The following COL22A1 variants were observed in gnomAD, a reference collection of about 807,000 sequenced individuals.
The protein encoded by COL22A1 is collagen type XXII alpha 1 chain.
COL22A1 carries 221 observed loss-of-function variants against 248.9 expected under a neutral mutation model. That is an observed-to-expected ratio of 0.89 (90% CI 0.80 to 0.99). The LOEUF (loss-of-function observed/expected upper bound fraction) is 0.99. COL22A1 is among the 50% of genes least tolerant of loss of function. The pLI is 0.00. For synonymous variants in COL22A1, 891 were observed against 793.4 expected, an observed-to-expected ratio of 1.12 and a Z score of -2.07; for missense variants, 2,240 against 2,179.0, an observed-to-expected ratio of 1.03 and a Z score of -0.56.
chr8:138,679,577 T>C, intron 40 of COL22A1, 40 bp downstream of exon 40: 1 of 1,578,548 alleles, frequency 6.3e-7, no homozygotes, highest in Non-Finnish European at 8.7e-7. Flanking sequence ...TGTCTTGTCC[T>C]TCTGTCTTTT....
chr8:138,780,790 G>A (rs138489381), intron 13 of COL22A1, 137 bp downstream of exon 13: 98 of 753,830 alleles, frequency 1.3e-4, no homozygotes, highest in East Asian at 3.6e-4. Context: ...TGGTATCTGC[G>A]AGGATCCTAA....
At chr8:138,700,814 C>T (rs1417330828) in intron 31 of COL22A1, among the ~76,000 whole-genome samples, 2 of 152,078 alleles carry the variant, frequency 1.3e-5, no homozygotes, top group Non-Finnish European at 2.9e-5. Flanking sequence ...GAAACCCAGT[C>T]TCTACTAAAA....
At position 138,755,733 on chromosome 8, in the gene COL22A1, C is replaced by G. The variant is rs1832942935; in HGVS notation, c.1947+52G>C. 4 of 1,584,236 alleles carry G rather than the reference C, an allele frequency of 2.5e-6. No individual in the cohort carries two copies. The African/African-American group carries it at 4.0e-5, about 16-fold the overall frequency. ...TCTTAGAGGTGAAGACTCATCCAAC[C>G]ACCCAATCCCACCAGCACCTGCATC... On this transcript the variant is annotated intron_variant, in intron 19 of 64. Transcript: ENST00000303045.
chr8:138,604,280 T>C (rs905061485), intron 59 of COL22A1, among the ~76,000 whole-genome samples: 2 of 152,134 alleles, frequency 1.3e-5, no homozygotes, highest in African/African-American at 4.8e-5. Context: ...CATATGCTTA[T>C]GCTCAGCAGA....
chr8:138,890,558 C>T (rs912248556), intron 1 of COL22A1, among the ~76,000 whole-genome samples: 2 of 152,140 alleles, frequency 1.3e-5, no homozygotes, highest in Admixed American at 1.3e-4. Flanking sequence ...AGCAATCCTT[C>T]TGCCTCAGCC....
chr8:138,676,574 C>A lies in COL22A1; in HGVS notation c.3134G>T (p.Gly1045Val). Residue 1045 changes from glycine (G) to valine (V), a missense_variant, in exon 41 of 65, where the codon GGG (glycine) becomes GTG (valine). Coordinates refer to ENST00000303045, the MANE Select transcript of COL22A1 (RefSeq NM_152888.3). ...SPGSRGDPGI[G>V]VAGPPGPSGP... is the part of the protein sequence containing the mutation. Reference sequence around the variant, plus strand: ...AAGACTTACAGGAGGGCCAGCAACCCCAATGCCTGGGTCACCACGGCTGCC... The same window carrying A: ...AAGACTTACAGGAGGGCCAGCAACCACAATGCCTGGGTCACCACGGCTGCC... 1 of 1,565,584 alleles carries A rather than the reference C, an allele frequency of 6.4e-7. No individual in the cohort carries two copies. Among genetic ancestry groups the A allele is most frequent in the East Asian group, 2.3e-5 (1 of 42,840 alleles).
At chr8:138,696,633 G>T (rs1240857278) in intron 32 of COL22A1, among the ~76,000 whole-genome samples, 1 of 152,212 alleles carries the variant, frequency 6.6e-6, no homozygotes, top group Non-Finnish European at 1.5e-5. Context: ...CACATGGCCT[G>T]CGGCTGTCTT....
At chr8:138,609,467 C>T (rs778133577) in intron 56 of COL22A1, among the ~76,000 whole-genome samples, 1 of 152,154 alleles carries the variant, frequency 6.6e-6, no homozygotes, top group Non-Finnish European at 1.5e-5. Context: ...CTCCCCATAT[C>T]CCAGAATCCC....
chr8:138,904,604 C>A (rs1814871839), intron 1 of COL22A1, among the ~76,000 whole-genome samples: 1 of 142,162 alleles, frequency 7.0e-6, no homozygotes, highest in African/African-American at 2.8e-5. Flanking sequence ...TGAATTCTTC[C>A]CAATTTTTTT....
chr8:138,610,932 G>GGTAT (rs1162041713), intron 56 of COL22A1, among the ~76,000 whole-genome samples: 1 of 152,142 alleles, frequency 6.6e-6, no homozygotes, highest in Non-Finnish European at 1.5e-5. Flanking sequence ...TGGGCATGGT[G>GGTAT]GTATGCACTT....
chr8:138,668,241 A>G (rs978924741), intron 41 of COL22A1, among the ~76,000 whole-genome samples: 1 of 152,186 alleles, frequency 6.6e-6, no homozygotes, highest in African/African-American at 2.4e-5. Flanking sequence ...TGTGTCTGGA[A>G]TTTGCTTCAA....
intron 3 of COL22A1, among the ~76,000 whole-genome samples, chr8:138,861,148 C>T (rs1352596619): frequency 6.6e-6 from 1 of 152,184 alleles, no homozygotes; most frequent in Non-Finnish European, 1.5e-5. Context: ...CAGCCCTGAC[C>T]CAGGAGGCTG....
At chr8:138,715,415 A>G (rs1424059101) in intron 30 of COL22A1, among the ~76,000 whole-genome samples, 2 of 151,778 alleles carry the variant, frequency 1.3e-5, no homozygotes, top group Non-Finnish European at 2.9e-5. Flanking sequence ...CTAAAAACAC[A>G]AAAATTAGCC....
chr8:138,602,019 A>T, intron 60 of COL22A1, 96 bp downstream of exon 60: 1 of 1,349,860 alleles, frequency 7.4e-7, no homozygotes, highest in South Asian at 1.2e-5. Context: ...GCGGGTGTTT[A>T]CTAACTGCCT....
chr8:138,907,774 A>T (rs776846613), intron 1 of COL22A1, among the ~76,000 whole-genome samples: 1 of 152,240 alleles, frequency 6.6e-6, no homozygotes, highest in African/African-American at 2.4e-5. Flanking sequence ...AGAAGGCAGA[A>T]GCACGCATGT....
chr8:138,666,578 G>A (rs1425095227), intron 41 of COL22A1, among the ~76,000 whole-genome samples: 2 of 152,200 alleles, frequency 1.3e-5, no homozygotes, highest in Non-Finnish European at 2.9e-5. Flanking sequence ...TTCTGTCAAG[G>A]TGTAGGTCAG....
At position 138,588,898 on chromosome 8, in the gene COL22A1, G is replaced by T. The variant is rs2131752199; in HGVS notation, c.*355C>A. 5.9e-6 allele frequency: 1 copy of T among 168,854 alleles called. No homozygotes were observed. Among genetic ancestry groups the T allele is most frequent in the Middle Eastern group, 2.5e-3 (1 of 404 alleles). 10.5% of individuals were successfully genotyped at this position (168,854 alleles called of 1,614,324 possible). ...AGCACCAAGAGTTTCCTTAAAATGG[G>T]CAGTTACGCGTCAGATGGGGGCTGT... On this transcript the variant is annotated 3_prime_UTR_variant, in exon 65 of 65. Transcript: ENST00000303045.
chr8:138,798,296 T>A (rs1259522556), intron 11 of COL22A1, among the ~76,000 whole-genome samples: 1 of 151,824 alleles, frequency 6.6e-6, no homozygotes, highest in Non-Finnish European at 1.5e-5. Flanking sequence ...GATTTATATA[T>A]GCCATATTAG....
At chr8:138,905,358 G>C (rs1814930995) in intron 1 of COL22A1, among the ~76,000 whole-genome samples, 1 of 152,200 alleles carries the variant, frequency 6.6e-6, no homozygotes, top group African/African-American at 2.4e-5. Context: ...AAGACGGTAA[G>C]TGCATCTCAG....
Sources: allele counts gnomAD v4.1 joint callset (sites outside exome capture counted in the v4.1 genomes callset), GRCh38; gene constraint gnomAD v4.1.1; transcripts MANE v1.5; gene names NCBI Gene and HGNC (gene_info 2026-07-23, HGNC 2026-07-21).